The following CDADC1 variants were observed in gnomAD, a reference collection of about 807,000 sequenced individuals.
CDADC1 encodes the protein cytidine and dCMP deaminase domain containing 1.
CDADC1 carries 39 observed loss-of-function variants against 54.9 expected under a neutral mutation model. That is an observed-to-expected ratio of 0.71 (90% CI 0.55 to 0.93). The LOEUF is 0.93. Ranked by LOEUF, CDADC1 falls within the 40% of genes least tolerant of loss-of-function variation. The pLI, the probability that CDADC1 is intolerant of heterozygous loss-of-function variation, is 0.00. For synonymous variants in CDADC1, 186 were observed against 204.0 expected (o/e 0.91, Z 0.75); for missense variants, 518 against 618.8 (o/e 0.84, Z 1.73).
chr13:49,261,557 T>C (rs1052624306), intron 4 of CDADC1, among the ~76,000 whole-genome samples: 1 of 152,198 alleles, frequency 6.6e-6, no homozygotes, highest in African/African-American at 2.4e-5. Context: ...TGTTATTGAA[T>C]TGGAGCAGGG....
intron 2 of CDADC1, among the ~76,000 whole-genome samples, chr13:49,253,447 G>C (rs1039592515): frequency 6.6e-6 from 1 of 152,166 alleles, no homozygotes; most frequent in Non-Finnish European, 1.5e-5. Context: ...CCTTAGTCTA[G>C]TAATTTAGAG....
chr13:49,270,314 A>G (rs1006882135), intron 5 of CDADC1, among the ~76,000 whole-genome samples: 1 of 152,104 alleles, frequency 6.6e-6, no homozygotes, highest in African/African-American at 2.4e-5. Flanking sequence ...TCAACCTCTC[A>G]GCCTCAAGCA....
intron 9 of CDADC1, 41 bp from the exon 10 acceptor site, chr13:49,291,643 G>A (rs1266436236): frequency 6.3e-7 from 1 of 1,594,680 alleles, no homozygotes; most frequent in East Asian, 2.2e-5. Flanking sequence ...CCATGGGTTT[G>A]AAATGAAGCT....
At chr13:49,257,626 C>T (rs140773852) in intron 3 of CDADC1, among the ~76,000 whole-genome samples, 1,632 of 152,092 alleles carry the variant, frequency 0.011, 23 homozygotes, top group African/African-American at 0.037. Flanking sequence ...AAAAATTAGC[C>T]GGGCGTGGTG....
chr13:49,281,091 C>T (rs1003852781), intron 8 of CDADC1, among the ~76,000 whole-genome samples: 6 of 152,120 alleles, frequency 3.9e-5, no homozygotes, highest in Non-Finnish European at 8.8e-5. Flanking sequence ...GCCTCCGTCT[C>T]CCAAAGTGCT....
intron 4 of CDADC1, 152 bp from the exon 5 acceptor site, chr13:49,267,338 G>T: frequency 1.5e-6 from 1 of 666,500 alleles, no homozygotes; most frequent in Non-Finnish European, 2.5e-6. Flanking sequence ...GTGGTAGTTT[G>T]CCAACCCTCA....
chr13:49,286,547 C>T (rs1042776263), intron 9 of CDADC1, among the ~76,000 whole-genome samples: 5 of 152,054 alleles, frequency 3.3e-5, no homozygotes, highest in Non-Finnish European at 5.9e-5. Flanking sequence ...AAATTAAATG[C>T]ATATGAAACA....
chr13:49,248,419 A>G (rs905325026), intron 1 of CDADC1: 2 of 385,712 alleles, frequency 5.2e-6, no homozygotes, highest in African/African-American at 4.1e-5. Context: ...TTGATTTCCA[A>G]ATTAACCGCA....
chr13:49,292,333 G>A lies in CDADC1; in HGVS notation c.*576G>A. The A allele has an allele frequency of 1.0e-6, 1 of 985,418 alleles. No individual in the cohort carries two copies. Among genetic ancestry groups the A allele is most frequent in the Non-Finnish European group, 1.2e-6 (1 of 828,056 alleles). The allele number at this position is 985,418 out of a possible 1,614,324, so 61.0% of individuals were successfully genotyped here. A position where few individuals can be genotyped will look rare whatever the true frequency, so the allele number is the denominator to read the frequency against. ...CATTTTTAAAGTATATTTTGTAAAT[G>A]TTAATTCTGTGGTCCTGTTTATCAC... On this transcript the variant is annotated 3_prime_UTR_variant, in exon 10 of 10. Transcript: ENST00000251108.
intron 4 of CDADC1, among the ~76,000 whole-genome samples, chr13:49,267,022 C>T (rs1312229687): frequency 3.9e-5 from 6 of 152,118 alleles, no homozygotes; most frequent in Non-Finnish European, 8.8e-5. Context: ...CCTAGAGGCT[C>T]TGTGAGAGGC....
intron 8 of CDADC1, among the ~76,000 whole-genome samples, chr13:49,281,787 GTTTA>G (rs1444043384): frequency 6.6e-6 from 1 of 151,870 alleles, no homozygotes; most frequent in Non-Finnish European, 1.5e-5. Flanking sequence ...AAGAATATTT[GTTTA>G]TTTATTTATA....
chr13:49,278,608 T>C (rs1383057210), intron 7 of CDADC1, 89 bp downstream of exon 7: 19 of 1,027,538 alleles, frequency 1.8e-5, no homozygotes, highest in Non-Finnish European at 2.3e-5. Context: ...TTATTTCCTT[T>C]TTCAAATTCC....
chr13:49,260,519 G>A (rs1278375969), intron 4 of CDADC1, among the ~76,000 whole-genome samples: 1 of 152,106 alleles, frequency 6.6e-6, no homozygotes, highest in Non-Finnish European at 1.5e-5. Context: ...ATCCATTGTG[G>A]GAACTGTTGT....
intron 8 of CDADC1, among the ~76,000 whole-genome samples, chr13:49,285,068 TATG>T (rs1311647022): frequency 3.3e-5 from 5 of 152,210 alleles, no homozygotes; most frequent in African/African-American, 1.2e-4. Context: ...AGAGGAGATA[TATG>T]ATATGATATA....
chr13:49,280,970 A>C (rs1331107680), intron 8 of CDADC1, among the ~76,000 whole-genome samples: 1 of 151,620 alleles, frequency 6.6e-6, no homozygotes, highest in Non-Finnish European at 1.5e-5. Flanking sequence ...AGTAGCTGGG[A>C]TTACAGGCGC....
rs148338774 is a variant in CDADC1, at chr13:49,279,740, G to A, written c.1221-769G>A. On this transcript the variant is annotated intron_variant, in intron 7 of 9. Transcript: ENST00000251108. Reference sequence around the variant, plus strand: ...AGGAAGATGGATGTGGAAGGCTGGCGGTGGAGGAATTGAAGATGGCTGGCT... The same window carrying A: ...AGGAAGATGGATGTGGAAGGCTGGCAGTGGAGGAATTGAAGATGGCTGGCT... Among the ~76,000 whole-genome samples the A allele has an allele frequency of 2.9e-3, 444 of 152,260 alleles. 3 individuals carry two copies. Among genetic ancestry groups the A allele is most frequent in the African/African-American group, 9.9e-3 (411 of 41,534 alleles).
At chr13:49,280,805 AATT>A (rs10626538) in intron 8 of CDADC1, 107 bp downstream of exon 8, 748 of 228,048 alleles carry the variant, frequency 3.3e-3, no homozygotes, top group African/African-American at 5.3e-3. Flanking sequence ...AGTTTCAACA[AATT>A]ATTATTATTA....
chr13:49,267,061 T>A (rs1266846231), intron 4 of CDADC1, among the ~76,000 whole-genome samples: 2 of 152,176 alleles, frequency 1.3e-5, no homozygotes, highest in Non-Finnish European at 2.9e-5. Flanking sequence ...AAAGGCCAGA[T>A]AATAAATATT....
In CDADC1 at chr13:49,259,329, T is replaced by C. The variant is rs771951868; in HGVS notation, c.253-17T>C. ...GGTGTTATAACTAATAAGTTGTTAT[T>C]TTATATCTTAATGTAGGTAAAGAGA... On this transcript the variant is annotated splice_polypyrimidine_tract_variant and intron_variant, in intron 3 of 9. Transcript: ENST00000251108. 1.9e-6 allele frequency: 3 copies of C among 1,556,380 alleles called. No homozygotes were observed. The highest frequency in any genetic ancestry group is 1.2e-5 in the South Asian group (1 of 85,100).
Sources: gnomAD v4.1 joint callset for allele counts (sites outside exome capture counted in the v4.1 genomes callset) on GRCh38, gnomAD v4.1.1 for gene constraint, MANE v1.5 for transcripts, NCBI Gene and HGNC (gene_info 2026-07-23, HGNC 2026-07-21) for gene names.